FNDC1: variants seen among roughly 807,000 people sequenced by gnomAD.
FNDC1 encodes fibronectin type III domain containing 1.
FNDC1 carries 96 observed loss-of-function variants against 168.0 expected under a neutral mutation model. The observed-to-expected ratio is 0.57, with a 90% CI of 0.48 to 0.68. The LOEUF is 0.68. FNDC1 is among the 30% of genes least tolerant of loss of function. FNDC1 has a pLI of 0.00. For synonymous variants in FNDC1, 1,099 were observed against 1,025.9 expected (o/e 1.07, Z -1.36); for missense variants, 2,587 against 2,482.1 (o/e 1.04, Z -0.90).
chr6:159,271,272 T>C, intron 22 of FNDC1, 55 bp from the exon 23 acceptor site: 1 of 1,225,130 alleles, frequency 8.2e-7, no homozygotes. Flanking sequence ...GGATGAGTTC[T>C]ACCTGTTGGT....
intron 4 of FNDC1, among the ~76,000 whole-genome samples, chr6:159,207,434 A>G (rs1308555073): frequency 6.6e-6 from 1 of 152,156 alleles, no homozygotes; most frequent in Non-Finnish European, 1.5e-5. Flanking sequence ...CAGTAGTTTA[A>G]TAAAACCTAA....
At chr6:159,210,740 G>A (rs1562638480) in intron 4 of FNDC1, among the ~76,000 whole-genome samples, 1 of 152,154 alleles carries the variant, frequency 6.6e-6, no homozygotes. Flanking sequence ...ACCGGGCCTG[G>A]GCATGAGCTG....
chr6:159,229,327 T>G (rs1783033330), intron 9 of FNDC1, among the ~76,000 whole-genome samples: 1 of 152,238 alleles, frequency 6.6e-6, no homozygotes, highest in Non-Finnish European at 1.5e-5. Flanking sequence ...AAATTATATT[T>G]CAAATATGGA....
Position 159,231,747 on chromosome 6 carries a change from C to T in FNDC1, c.1370-135C>T, listed in dbSNP as rs551378511. On this transcript the variant is annotated intron_variant, in intron 10 of 22. Coordinates refer to ENST00000297267, the MANE Select transcript of FNDC1 (RefSeq NM_032532.3). The stretch of plus-strand genomic sequence containing the variant: ...GTTGAGAAAACACGTTTCCAGTGTT[C>T]TAAGGAATTAGAAGTTAGCCATTAT... The T allele has an allele frequency of 4.4e-6, 3 of 678,122 alleles. No individual in the cohort carries two copies. The South Asian group carries it at 7.1e-5, about 16-fold the overall frequency. The allele number at this position is 678,122 out of a possible 1,614,324, so 42.0% of individuals were successfully genotyped here.
intron 11 of FNDC1, 61 bp downstream of exon 11, chr6:159,234,540 T>A (rs547424853): frequency 3.9e-6 from 6 of 1,521,354 alleles, no homozygotes; most frequent in Non-Finnish European, 5.4e-6. Context: ...TGGCAATGCC[T>A]AAGAAGTTTT....
intron 1 of FNDC1, among the ~76,000 whole-genome samples, chr6:159,185,783 A>G (rs1371851644): frequency 6.6e-6 from 1 of 152,210 alleles, no homozygotes; most frequent in Non-Finnish European, 1.5e-5. Flanking sequence ...AGAGTTGATC[A>G]TATGGCCATC....
chr6:159,226,587 A>C lies in FNDC1; in HGVS notation c.1180+7A>C. Reference sequence around the variant, plus strand: ...ACTGAGGGGAAAGTGAAAGGTAGGAATCTCACTCCCTAAACTGTAAGATGC... The same window carrying C: ...ACTGAGGGGAAAGTGAAAGGTAGGACTCTCACTCCCTAAACTGTAAGATGC... On this transcript the variant is annotated splice_region_variant and intron_variant, in intron 9 of 22. Transcript: ENST00000297267. 6.3e-7 allele frequency: 1 copy of C among 1,587,780 alleles called. No homozygotes were observed. The highest frequency in any genetic ancestry group is 8.6e-7 in the Non-Finnish European group (1 of 1,163,316).
At chr6:159,206,439 T>G (rs1031601862) in intron 4 of FNDC1, among the ~76,000 whole-genome samples, 3 of 152,224 alleles carry the variant, frequency 2.0e-5, no homozygotes, top group Non-Finnish European at 2.9e-5. Context: ...TTACTCATCT[T>G]CCTATCTCCA....
chr6:159,170,977 GT>G (rs1353118056), intron 1 of FNDC1, among the ~76,000 whole-genome samples: 1 of 152,192 alleles, frequency 6.6e-6, no homozygotes, highest in Non-Finnish European at 1.5e-5. Flanking sequence ...TGCTGGAAGA[GT>G]TTTTGTTTCT....
intron 19 of FNDC1, among the ~76,000 whole-genome samples, chr6:159,262,248 G>A (rs1268939593): frequency 3.9e-5 from 6 of 152,200 alleles, no homozygotes; most frequent in African/African-American, 1.2e-4. Flanking sequence ...CCTGCACCCA[G>A]CTTCCATTTG....
chr6:159,171,696 C>T (rs1389051103), intron 1 of FNDC1, among the ~76,000 whole-genome samples: 1 of 152,176 alleles, frequency 6.6e-6, no homozygotes, highest in Non-Finnish European at 1.5e-5. Context: ...ATATTCATCC[C>T]TACAATAGGA....
At chr6:159,201,136 T>A (rs1341091439) in intron 4 of FNDC1, among the ~76,000 whole-genome samples, 3 of 152,264 alleles carry the variant, frequency 2.0e-5, no homozygotes, top group Non-Finnish European at 4.4e-5. Flanking sequence ...TGACATTTCT[T>A]GTGTGTTTCT....
intron 12 of FNDC1, among the ~76,000 whole-genome samples, chr6:159,238,097 CTTT>C (rs61358656): frequency 0.66 from 89,137 of 135,016 alleles, 29,666 homozygotes; most frequent in Non-Finnish European, 0.74. Flanking sequence ...CTGTTTTGTA[CTTT>C]TTTTTTTTTT....
chr6:159,242,733 A>G (rs763217817), intron 14 of FNDC1, among the ~76,000 whole-genome samples: 12 of 152,184 alleles, frequency 7.9e-5, no homozygotes, highest in Non-Finnish European at 1.8e-4. Flanking sequence ...CCACTAACAT[A>G]CTTTCTCTCT....
At chr6:159,258,684 T>C (rs927581829) in intron 18 of FNDC1, among the ~76,000 whole-genome samples, 1 of 152,196 alleles carries the variant, frequency 6.6e-6, no homozygotes, top group Non-Finnish European at 1.5e-5. Context: ...GCTTATGTGC[T>C]CTTCTGGTAG....
At chr6:159,240,178 GA>G (rs5881320) in intron 14 of FNDC1, among the ~76,000 whole-genome samples, 128,366 of 152,070 alleles carry the variant, frequency 0.84, 54,650 homozygotes, top group Non-Finnish European at 0.9. Context: ...ATATTTATAT[GA>G]AAAAAATTAT....
Position 159,234,363 on chromosome 6 carries a change from G to A in FNDC1, c.3851G>A (p.Arg1284His), listed in dbSNP as rs370955985. The A allele has an allele frequency of 2.5e-4, 411 of 1,612,062 alleles. 1 individual carries two copies. The highest frequency in any genetic ancestry group is 3.2e-4 in the Non-Finnish European group (372 of 1,179,218). Residue 1284 changes from arginine (R) to histidine (H), a missense_variant, in exon 11 of 23, where the codon CGC (arginine) becomes CAC (histidine). By Grantham distance (29) the Arg-to-His change is conservative. Coordinates refer to ENST00000297267, the MANE Select transcript of FNDC1 (RefSeq NM_032532.3). ...CACCCCTGGCCGCAGTACACCACGCGCGCCCCACCTGGCCACTTCTCCACC... is the reference window on the plus strand; with the variant it reads ...CACCCCTGGCCGCAGTACACCACGCACGCCCCACCTGGCCACTTCTCCACC... ...GTHPWPQYTT[R>H]APPGHFSTTP...
intron 22 of FNDC1, 35 bp from the exon 23 acceptor site, chr6:159,271,292 T>G (rs774325121): frequency 1.3e-6 from 2 of 1,494,340 alleles, no homozygotes; most frequent in South Asian, 2.4e-5. Flanking sequence ...TTCAGGGGCC[T>G]CTGACGCTTT....
intron 14 of FNDC1, among the ~76,000 whole-genome samples, chr6:159,243,534 AT>A (rs1562306067): frequency 1.3e-5 from 2 of 152,084 alleles, no homozygotes; most frequent in East Asian, 1.9e-4. Context: ...TTTTTCACTT[AT>A]TTTTTTCATG....
Sources: allele counts gnomAD v4.1 joint callset (sites outside exome capture counted in the v4.1 genomes callset), GRCh38; gene constraint gnomAD v4.1.1; transcripts MANE v1.5; gene names NCBI Gene and HGNC (gene_info 2026-07-23, HGNC 2026-07-21).